BRWD3: variants seen among roughly 807,000 people sequenced by gnomAD.
BRWD3 encodes bromodomain and WD repeat-containing protein 3.
A neutral mutation model predicts 149.7 loss-of-function variants in BRWD3; 10 were observed. The observed-to-expected ratio is 0.07, with a 90% confidence interval of 0.04 to 0.11. BRWD3 has a LOEUF of 0.11. Among genes scored for constraint, BRWD3 ranks in the 10% least tolerant of loss-of-function variants. BRWD3 has a pLI of 1.00. For synonymous variants in BRWD3, 504 were observed against 456.7 expected (o/e 1.10, Z -1.32); for missense variants, 940 against 1,373.2 (o/e 0.68, Z 4.99).
At chrX:80,770,923 T>C (rs1386408359) in intron 6 of BRWD3, among the ~76,000 whole-genome samples, 3 of 111,639 alleles carry the variant, frequency 2.7e-5, no homozygotes, top group African/African-American at 9.8e-5. Context: ...ACAAAATCAA[T>C]GTGCAAAAAT....
In BRWD3 at chrX:80,681,471, T is replaced by A. The variant is rs200785065; in HGVS notation, c.4524A>T (p.Leu1508=). ...CATCTGGCTCATCATCAAGTAGATATAGTGAAAGCCCTTCAGCAGCATCTG... is the reference window on the plus strand; with the variant it reads ...CATCTGGCTCATCATCAAGTAGATAAAGTGAAAGCCCTTCAGCAGCATCTG... The part of the protein sequence containing the change: ...PVSDAAEGLS[L]YLLDDEPDGP... The change falls in exon 40 of 41, where the codon CTA becomes CTT. Residue 1508 remains leucine (L), a synonymous_variant. Coordinates refer to ENST00000373275, the MANE Select transcript of BRWD3 (RefSeq NM_153252.5). 6 of 1,205,922 alleles carry A rather than the reference T, an allele frequency of 5.0e-6. No individual in the cohort carries two copies. The East Asian group carries it at 8.9e-5, about 18-fold the overall frequency.
Position 80,681,237 on chromosome X carries a change from G to A in BRWD3, c.4654+104C>T, listed in dbSNP as rs183998653. Reference sequence around the variant, plus strand: ...GTGACAGAATTCTCATTAACTATAAGGATATACTAGTTTTTAGTATGTCAA... The same window carrying A: ...GTGACAGAATTCTCATTAACTATAAAGATATACTAGTTTTTAGTATGTCAA... On this transcript the variant is annotated intron_variant, in intron 40 of 40. Transcript: ENST00000373275. The A allele has an allele frequency of 1.3e-4, 105 of 824,748 alleles. 1 individual carries two copies. The African/African-American group carries it at 1.8e-3, about 14-fold the overall frequency. The allele number at this position is 824,748 out of a possible 1,213,427, so 68.0% of individuals were successfully genotyped here. A position where few individuals can be genotyped will look rare whatever the true frequency, so the allele number is the denominator to read the frequency against.
chrX:80,690,361 T>C (rs1183346881), intron 31 of BRWD3, among the ~76,000 whole-genome samples: 2 of 110,946 alleles, frequency 1.8e-5, no homozygotes, highest in Admixed American at 9.6e-5. Context: ...AAGAGTCATT[T>C]GACAAGGTCA....
intron 40 of BRWD3, among the ~76,000 whole-genome samples, chrX:80,679,325 C>T (rs887648323): frequency 1.8e-5 from 2 of 112,512 alleles, no homozygotes; most frequent in Non-Finnish European, 3.8e-5. Context: ...TCAAAAAACA[C>T]TGTGAGATTT....
At chrX:80,684,292 CCCA>C (rs1194162681) in intron 36 of BRWD3, 130 bp from the exon 37 acceptor site, 7 of 560,464 alleles carry the variant, frequency 1.2e-5, no homozygotes, top group Non-Finnish European at 2.0e-5. Context: ...CAACTACCTC[CCCA>C]CAACCCCAAA....
At chrX:80,767,434 A>G (rs1043389644) in intron 6 of BRWD3, among the ~76,000 whole-genome samples, 1 of 111,608 alleles carries the variant, frequency 9.0e-6, no homozygotes, top group Non-Finnish European at 1.9e-5. Context: ...GTGGACCTCC[A>G]GCAAACACCA....
chrX:80,681,975 C>T (rs2072453935), intron 39 of BRWD3, 22 bp downstream of exon 39: 2 of 1,158,881 alleles, frequency 1.7e-6, no homozygotes, highest in Admixed American at 2.2e-5. Context: ...TGCAGAACAC[C>T]AAAAACAAAA....
chrX:80,789,287 C>T (rs1187590839), intron 6 of BRWD3, among the ~76,000 whole-genome samples: 1 of 112,620 alleles, frequency 8.9e-6, no homozygotes, highest in Non-Finnish European at 1.9e-5. Flanking sequence ...AACCAAGTTC[C>T]CCAAATCTGT....
intron 6 of BRWD3, among the ~76,000 whole-genome samples, chrX:80,765,616 AG>A (rs1166573572): frequency 8.9e-6 from 1 of 111,951 alleles, no homozygotes; most frequent in Non-Finnish European, 1.9e-5. Context: ...TTTTGTAATG[AG>A]GTGTCTGTGT....
At chrX:80,764,742 A>C (rs1204104264) in intron 6 of BRWD3, among the ~76,000 whole-genome samples, 2 of 111,237 alleles carry the variant, frequency 1.8e-5, no homozygotes, top group Non-Finnish European at 3.8e-5. Flanking sequence ...GAAAAGACAG[A>C]CTAGGAGAAA....
At chrX:80,773,183 T>G (rs2073966072) in intron 6 of BRWD3, among the ~76,000 whole-genome samples, 1 of 111,666 alleles carries the variant, frequency 9.0e-6, no homozygotes, top group African/African-American at 3.3e-5. Context: ...ACGCAAGTAC[T>G]AAAAGTGTAC....
At position 80,696,866 on chromosome X, in the gene BRWD3, A is replaced by G. The variant is rs1199737958; in HGVS notation, c.2944-3T>C. 1.7e-6 allele frequency: 2 copies of G among 1,178,421 alleles called. No individual in the cohort carries two copies. The highest frequency in any genetic ancestry group is 3.0e-5 in the East Asian group (1 of 33,488). ...ACAATCTTAACAAACTCTTGCTCCTATTCATGAGAATACCAATAAATTATT... is the reference window on the plus strand; with the variant it reads ...ACAATCTTAACAAACTCTTGCTCCTGTTCATGAGAATACCAATAAATTATT... On this transcript the variant is annotated splice_region_variant and splice_polypyrimidine_tract_variant and intron_variant, in intron 25 of 40. Transcript: ENST00000373275.
chrX:80,775,643 T>C (rs1037896440), intron 6 of BRWD3, among the ~76,000 whole-genome samples: 4 of 111,780 alleles, frequency 3.6e-5, no homozygotes, highest in African/African-American at 1.3e-4. Context: ...CAGGATACTT[T>C]TGTGCAAAGA....
intron 6 of BRWD3, among the ~76,000 whole-genome samples, chrX:80,769,827 G>T (rs751243464): frequency 1.3e-4 from 14 of 108,903 alleles, no homozygotes; most frequent in African/African-American, 4.0e-4. Flanking sequence ...TTTTTGACAA[G>T]ATCAACAAAA....
At chrX:80,699,774 T>C (rs949387179) in intron 25 of BRWD3, among the ~76,000 whole-genome samples, 183 bp downstream of exon 25, 3 of 111,762 alleles carry the variant, frequency 2.7e-5, no homozygotes, top group African/African-American at 9.8e-5. Context: ...AGCATACAAA[T>C]TTTGAGAAAC....
At chrX:80,721,692 C>T (rs2073151783) in intron 17 of BRWD3, among the ~76,000 whole-genome samples, 2 of 111,779 alleles carry the variant, frequency 1.8e-5, no homozygotes, top group African/African-American at 6.5e-5. Context: ...ATTCTACTAT[C>T]TTCCTATCAT....
rs1164614503 is a variant in BRWD3, at chrX:80,728,154, ATTGATAG to A, written c.1386+591_1386+597del. Reference sequence around the variant, plus strand: ...CATTCTCTCCTTAAAATGCTTATGAATTGATAGTTGAAACAGACAAAAAATAAGGTTT... The same window carrying A: ...CATTCTCTCCTTAAAATGCTTATGAATTGAAACAGACAAAAAATAAGGTTT... On this transcript the variant is annotated intron_variant, in intron 14 of 40. Transcript: ENST00000373275. 6.3e-5 allele frequency among the ~76,000 whole-genome samples: 7 copies of A among 111,994 alleles called. No homozygotes were observed. The Admixed American group carries it at 6.6e-4, about 11-fold the overall frequency.
rs1410974625 is a variant in BRWD3 at position 80,808,680 on chromosome X, C to G, written c.121-82G>C. 7.9e-6 allele frequency: 7 copies of G among 889,845 alleles called. No homozygotes were observed. The Admixed American group carries it at 1.4e-4, about 18-fold the overall frequency. 73.3% of individuals were successfully genotyped at this position (889,845 alleles called of 1,213,427 possible). ...TCCGCTCCCCATCAACTGGACCCAA[C>G]CTGTGTCCCAGTCCTCAACACTTTA... On this transcript the variant is annotated intron_variant, in intron 3 of 40. Coordinates refer to ENST00000373275, the MANE Select transcript of BRWD3 (RefSeq NM_153252.5).
chrX:80,726,624 A>C (rs1376509660), intron 14 of BRWD3, among the ~76,000 whole-genome samples: 1 of 110,610 alleles, frequency 9.0e-6, no homozygotes, highest in Non-Finnish European at 1.9e-5. Context: ...CATATCCTGC[A>C]AATCTCAAAA....
Sources: allele counts gnomAD v4.1 joint callset (sites outside exome capture counted in the v4.1 genomes callset), GRCh38; gene constraint gnomAD v4.1.1; transcripts MANE v1.5; gene names NCBI Gene and HGNC (gene_info 2026-07-23, HGNC 2026-07-21).